Variants in NOL7 observed in about 807,000 individuals in gnomAD.
NOL7 encodes U3 small nucleolar RNA-associated protein NOL7.
A neutral mutation model predicts 38.4 loss-of-function variants in NOL7; 36 were observed. That is an observed-to-expected ratio of 0.94 (90% CI 0.72 to 1.24). The LOEUF (loss-of-function observed/expected upper bound fraction) is 1.24, where lower values mean the gene tolerates loss of function less well. Among genes scored for constraint, NOL7 ranks in the 50% most tolerant of loss-of-function variants. NOL7 has a pLI of 0.00. For synonymous variants in NOL7, 142 were observed against 126.5 expected, an observed-to-expected ratio of 1.12 and a Z score of -0.82; for missense variants, 350 against 315.1, an observed-to-expected ratio of 1.11 and a Z score of -0.84.
At chr6:13,629,921 C>CGTGTGTGT (rs3063992) in intron 8 of NOL7, among the ~76,000 whole-genome samples, 87 of 128,424 alleles carry the variant, frequency 6.8e-4, no homozygotes, top group African/African-American at 1.2e-3. Context: ...CTCTCTCTCT[C>CGTGTGTGT]GTGTGTGTGT....
chr6:13,617,730 T>C, intron 3 of NOL7, 40 bp from the exon 4 acceptor site: 1 of 1,598,824 alleles, frequency 6.3e-7, no homozygotes, highest in Non-Finnish European at 8.6e-7. Context: ...GAGTAATCTT[T>C]ACTGCCATTG....
In NOL7 at chr6:13,620,906, T is replaced by TC. The variant is rs1223883329; in HGVS notation, c.*80dup. On this transcript the variant is annotated 3_prime_UTR_variant, in exon 8 of 8. Transcript: ENST00000451315. ...ATCATTCATAGATCATTTTAAAGGA[T>TC]CATTATAAAAATCATAAACCTATTT... is the stretch of plus-strand genomic sequence containing the variant. 1 of 899,726 alleles carries TC rather than the reference T, an allele frequency of 1.1e-6. No individual in the cohort carries two copies. The highest frequency in any genetic ancestry group is 1.7e-6 in the Non-Finnish European group (1 of 597,416). The allele number at this position is 899,726 out of a possible 1,614,324, so 55.7% of individuals were successfully genotyped here.
At chr6:13,618,866 G>A (rs1764358118) in intron 5 of NOL7, among the ~76,000 whole-genome samples, 1 of 152,110 alleles carries the variant, frequency 6.6e-6, no homozygotes, top group Admixed American at 6.5e-5. Context: ...ACTACAGCCT[G>A]AGCGACAGAG....
chr6:13,625,473 A>G (rs1764575970), downstream of NOL7, among the ~76,000 whole-genome samples: 1 of 152,278 alleles, frequency 6.6e-6, no homozygotes, highest in African/African-American at 2.4e-5. Context: ...TATTCTATTT[A>G]AATCCACTTG....
In NOL7 at chr6:13,615,478, C is replaced by T. The variant is rs1188588367; in HGVS notation, c.120C>T (p.Pro40=). 5 of 1,551,556 alleles carry T rather than the reference C, an allele frequency of 3.2e-6. No homozygotes were observed. Among genetic ancestry groups the T allele is most frequent in the Non-Finnish European group, 3.5e-6 (4 of 1,147,542 alleles). ...AGCACGGGCTGTTGCTCGGGCAGCC[C>T]AGCAGCGGCGCGGCCGCCGAGCCCC... The part of the protein sequence containing the change: ...EAEHGLLLGQ[P]SSGAAAEPLE... Residue 40 remains proline, a synonymous_variant, in exon 1 of 8, where the codon CCC becomes CCT. Coordinates refer to ENST00000451315, the MANE Select transcript of NOL7 (RefSeq NM_016167.5).
rs1271248591 is a variant in NOL7 at position 13,620,135 on chromosome 6, T to A, written c.501-73T>A. Reference sequence around the variant, plus strand: ...CGCAGCCTGGGTGACAGAGCGAGACTCTGTCTCAGGAAGAAAAAAAAAAGA... The same window carrying A: ...CGCAGCCTGGGTGACAGAGCGAGACACTGTCTCAGGAAGAAAAAAAAAAGA... On this transcript the variant is annotated intron_variant, in intron 5 of 7. Transcript: ENST00000451315. 19 of 1,509,908 alleles carry A rather than the reference T, an allele frequency of 1.3e-5. No individual in the cohort carries two copies. In the East Asian group the frequency reaches 3.9e-4, roughly 31 times the overall value. 93.5% of individuals were successfully genotyped at this position (1,509,908 alleles called of 1,614,324 possible).
chr6:13,625,555 C>T (rs1290045351), downstream of NOL7: 4 of 701,608 alleles, frequency 5.7e-6, no homozygotes, highest in African/African-American at 5.3e-5. Flanking sequence ...AAAACATTTT[C>T]CTGATGATTT....
downstream of NOL7, among the ~76,000 whole-genome samples, chr6:13,622,880 G>A (rs1764493585): frequency 6.6e-6 from 1 of 152,176 alleles, no homozygotes; most frequent in African/African-American, 2.4e-5. Context: ...AAGGCACCAG[G>A]TTTTCATTAC....
In NOL7 at chr6:13,616,522, G is replaced by GT; in HGVS notation, c.386+2dup. The GT allele has an allele frequency of 6.3e-7, 1 of 1,594,496 alleles. No homozygotes were observed. The highest frequency in any genetic ancestry group is 8.6e-7 in the Non-Finnish European group (1 of 1,165,984). ...AGTTAACCACAGCTTCACAGACTAA[G>GT]TAAGTAATGGATCTTTTTATATTAC... is the stretch of plus-strand genomic sequence containing the variant. On this transcript the variant is annotated splice_donor_variant, in intron 3 of 7. Coordinates refer to ENST00000451315, the MANE Select transcript of NOL7 (RefSeq NM_016167.5). LOFTEE classifies it high-confidence loss of function.
At chr6:13,630,638 G>T (rs1433335481) in intron 8 of NOL7, among the ~76,000 whole-genome samples, 1 of 152,060 alleles carries the variant, frequency 6.6e-6, no homozygotes, top group Non-Finnish European at 1.5e-5. Flanking sequence ...AAAATTATTT[G>T]TATAATAGTA....
intron 8 of NOL7, among the ~76,000 whole-genome samples, chr6:13,629,304 A>C (rs889952596): frequency 6.6e-6 from 1 of 151,816 alleles, no homozygotes; most frequent in African/African-American, 2.4e-5. Flanking sequence ...ATAATTGGAA[A>C]TAATGCATAG....
intron 5 of NOL7, 55 bp downstream of exon 5, chr6:13,618,194 A>G (rs1037121713): frequency 3.2e-6 from 2 of 633,582 alleles, no homozygotes; most frequent in Admixed American, 5.9e-5. Flanking sequence ...AGAGAGTTAA[A>G]GTATTGGCTA....
At chr6:13,632,128 T>G (rs1401099846) in intron 8 of NOL7, among the ~76,000 whole-genome samples, 3 of 6,808 alleles carry the variant, frequency 4.4e-4, no homozygotes, top group African/African-American at 2.1e-3. Flanking sequence ...CTTTTTTTTT[T>G]TTTTTTTTTT....
chr6:13,615,416 G>T lies in NOL7; in HGVS notation c.58G>T (p.Asp20Tyr). The change falls in exon 1 of 8, where the codon GAC becomes TAC. Residue 20 changes from aspartate (D) to tyrosine (Y), a missense_variant. Asp to Tyr is a radical substitution (Grantham distance 160). Coordinates refer to ENST00000451315, the MANE Select transcript of NOL7 (RefSeq NM_016167.5). The stretch of plus-strand genomic sequence containing the variant: ...CCCGGCGTCGGCGGAGGCGATGGTG[G>T]ACGAGGGCCAGCTGGCCTCGGAGGA... ...RAPASAEAMV[D>Y]EGQLASEEEE... 6.5e-7 allele frequency: 1 copy of T among 1,545,438 alleles called. No individual in the cohort carries two copies. The highest frequency in any genetic ancestry group is 8.7e-7 in the Non-Finnish European group (1 of 1,145,218).
chr6:13,620,265 GCAACA>G lies in NOL7; in HGVS notation c.559_563del (p.Gln187SerfsTer8). On this transcript the variant is annotated frameshift_variant, in exon 6 of 8. Coordinates refer to ENST00000451315, the MANE Select transcript of NOL7 (RefSeq NM_016167.5). LOFTEE classifies it high-confidence loss of function. ...AAGACCAAGATCTGAGAGATTCAAG[GCAACA>G]AGCAGCACAAGCCTTCATACATAAT... 3 of 1,614,144 alleles carry G rather than the reference GCAACA, an allele frequency of 1.9e-6. No individual in the cohort carries two copies. The highest frequency in any genetic ancestry group is 2.5e-6 in the Non-Finnish European group (3 of 1,180,002).
Position 13,628,203 on chromosome 6 carries a change from CTAAA to C in NOL7, n.574-4188_574-4185del, listed in dbSNP as rs138184901. On this transcript the variant is annotated intron_variant and non_coding_transcript_variant, in intron 8 of 8. Coordinates refer to the NOL7 transcript ENST00000474485. ...GATGCAGATTCTTTTAGTTACCAAT[CTAAA>C]TGTTAAGAAGAAAAAACATCTAAAA... Among the ~76,000 whole-genome samples, 1,026 of 152,240 alleles carry C rather than the reference CTAAA, an allele frequency of 6.7e-3. 11 individuals carry two copies. Among genetic ancestry groups the C allele is most frequent in the African/African-American group, 0.022 (913 of 41,536 alleles).
intron 4 of NOL7, 55 bp downstream of exon 4, chr6:13,617,856 G>C (rs1312698740): frequency 3.3e-6 from 5 of 1,512,672 alleles, no homozygotes; most frequent in East Asian, 2.3e-5. Context: ...TGCACTTGCA[G>C]ATGTTTCCAG....
exon 9 of NOL7, chr6:13,632,469 G>A: frequency 6.2e-7 from 1 of 1,613,606 alleles, no homozygotes; most frequent in Non-Finnish European, 8.5e-7. Context: ...TTCTTTCTAT[G>A]GCGGCCTGAC....
At chr6:13,628,568 TA>T (rs1337693999) in intron 8 of NOL7, among the ~76,000 whole-genome samples, 1 of 152,116 alleles carries the variant, frequency 6.6e-6, no homozygotes, top group Non-Finnish European at 1.5e-5. Context: ...AAAAACACTA[TA>T]AAACATGGCT....
Sources: allele counts gnomAD v4.1 joint callset (sites outside exome capture counted in the v4.1 genomes callset), GRCh38; gene constraint gnomAD v4.1.1; transcripts MANE v1.5; gene names NCBI Gene and HGNC (gene_info 2026-07-23, HGNC 2026-07-21).